VDR: variants seen among roughly 807,000 people sequenced by gnomAD.
The protein encoded by VDR is vitamin D3 receptor.
In VDR, 19 loss-of-function variants were observed where a neutral mutation model predicts 39.7. The ratio of observed to expected loss-of-function variants is 0.48; its 90% CI spans 0.33 to 0.70. The LOEUF is 0.70. Ranked by LOEUF, VDR falls within the 30% of genes least tolerant of loss-of-function variation. The pLI, the probability that VDR is intolerant of heterozygous loss-of-function variation, is 0.02. For synonymous variants in VDR, 242 were observed against 215.8 expected (o/e 1.12, Z -1.07); for missense variants, 442 against 570.5 (o/e 0.77, Z 2.29).
chr12:47,870,279 C>G (rs1179689782), intron 3 of VDR, among the ~76,000 whole-genome samples: 1 of 152,220 alleles, frequency 6.6e-6, no homozygotes, highest in Non-Finnish European at 1.5e-5. Flanking sequence ...CCAGACTGCC[C>G]AACCCTGGCT....
intron 3 of VDR, among the ~76,000 whole-genome samples, chr12:47,866,357 A>G (rs1945736711): frequency 6.6e-6 from 1 of 152,212 alleles, no homozygotes; most frequent in African/African-American, 2.4e-5. Flanking sequence ...GGCCTCCCAA[A>G]GTGCTGGGAT....
intron 7 of VDR, 67 bp downstream of exon 7, chr12:47,855,563 C>G: frequency 6.3e-7 from 1 of 1,585,366 alleles, no homozygotes; most frequent in Non-Finnish European, 8.7e-7. Context: ...TGAGTGATCT[C>G]CAACCCTTCT....
At chr12:47,895,238 TG>T (rs1324331584) in intron 1 of VDR, among the ~76,000 whole-genome samples, 1 of 152,256 alleles carries the variant, frequency 6.6e-6, no homozygotes, top group African/African-American at 2.4e-5. Context: ...GCATGGAGCA[TG>T]ATCCATTCAT....
chr12:47,866,371 A>C (rs1945736970), intron 3 of VDR, among the ~76,000 whole-genome samples: 1 of 152,254 alleles, frequency 6.6e-6, no homozygotes, highest in Non-Finnish European at 1.5e-5. Context: ...CTGGGATTAC[A>C]GGCGTAAGCC....
chr12:47,879,192 C>T (rs1347453528), intron 2 of VDR, 77 bp from the exon 3 acceptor site: 2 of 1,530,824 alleles, frequency 1.3e-6, no homozygotes, highest in Non-Finnish European at 1.8e-6. Flanking sequence ...GTGCCACCCA[C>T]CCCCAGCCTC....
At chr12:47,886,026 G>T (rs1484803576) in intron 1 of VDR, among the ~76,000 whole-genome samples, 1 of 152,190 alleles carries the variant, frequency 6.6e-6, no homozygotes, top group Non-Finnish European at 1.5e-5. Context: ...TCCTCTCTCT[G>T]CCAGGTTGGG....
chr12:47,863,409 G>A (rs927443013), intron 4 of VDR, among the ~76,000 whole-genome samples: 1 of 152,220 alleles, frequency 6.6e-6, no homozygotes, highest in Non-Finnish European at 1.5e-5. Context: ...AGTGCCTTAC[G>A]AACCACTGCA....
chr12:47,882,623 G>GGCCCC, intron 2 of VDR, 71 bp downstream of exon 2: 2 of 543,280 alleles, frequency 3.7e-6, no homozygotes, highest in Non-Finnish European at 6.5e-6. Flanking sequence ...ACCTTCTTAT[G>GGCCCC]CCCCTCCCCC....
chr12:47,869,077 C>G (rs1041173544), intron 3 of VDR, among the ~76,000 whole-genome samples: 1 of 152,250 alleles, frequency 6.6e-6, no homozygotes, highest in Non-Finnish European at 1.5e-5. Context: ...GGGCAGCCCC[C>G]CCAGCTGCAG....
intron 3 of VDR, among the ~76,000 whole-genome samples, chr12:47,868,923 C>T (rs1270054973): frequency 6.6e-6 from 1 of 152,166 alleles, no homozygotes; most frequent in Non-Finnish European, 1.5e-5. Flanking sequence ...CAGCCTAGCC[C>T]AGCCACCACC....
At chr12:47,871,292 C>CTCTT (rs60835997) in intron 3 of VDR, among the ~76,000 whole-genome samples, 10,312 of 79,538 alleles carry the variant, frequency 0.13, 1,010 homozygotes, top group African/African-American at 0.17. Context: ...CTTTCTCTTT[C>CTCTT]TCTTTCTTTC....
chr12:47,904,572 C>T (rs1565642732), intron 1 of VDR: 51 of 1,535,568 alleles, frequency 3.3e-5, no homozygotes, highest in Non-Finnish European at 4.0e-5. Context: ...ACCCTCCACT[C>T]CAGCAGTTCT....
chr12:47,869,535 C>CAAAA (rs33940574), intron 3 of VDR, among the ~76,000 whole-genome samples: 15 of 68,956 alleles, frequency 2.2e-4, no homozygotes, highest in Non-Finnish European at 3.5e-4. Flanking sequence ...GACTCCATCT[C>CAAAA]AAAAAAAAAA....
intron 1 of VDR, among the ~76,000 whole-genome samples, chr12:47,900,536 T>G (rs1035072622): frequency 1.3e-5 from 2 of 152,144 alleles, no homozygotes; most frequent in African/African-American, 4.8e-5. Context: ...ATTTCCTCAT[T>G]TGTAAAGGGA....
At chr12:47,881,104 G>GTGTA (rs1555155419) in intron 2 of VDR, among the ~76,000 whole-genome samples, 3 of 106,256 alleles carry the variant, frequency 2.8e-5, no homozygotes, top group African/African-American at 2.7e-5. Context: ...GTGTGTGTGT[G>GTGTA]TATATATATA....
At chr12:47,871,401 C>CTT in intron 3 of VDR, among the ~76,000 whole-genome samples, 2 of 62,098 alleles carry the variant, frequency 3.2e-5, no homozygotes, top group African/African-American at 8.5e-5. Context: ...TCCTCTCTTT[C>CTT]TCTCTTTCTA....
chr12:47,879,087 G>A lies in VDR; in HGVS notation c.27C>T (p.Ser9=), dbSNP rs1286104339. The A allele has an allele frequency of 6.2e-7, 1 of 1,614,088 alleles. No individual in the cohort carries two copies. The highest frequency in any genetic ancestry group is 8.5e-7 in the Non-Finnish European group (1 of 1,179,974). The stretch of plus-strand genomic sequence containing the variant: ...GGTCAAAGTCTCCAGGGTCAGGCAG[G>A]GAAGTGCTGGCCGCCATTGCCTCCA... MEAMAAST[S]LPDPGDFDRN... The change falls in exon 3 of 10, where the codon TCC becomes TCT. Residue 9 remains serine (S), a synonymous_variant. Coordinates refer to ENST00000549336, the MANE Select transcript of VDR (RefSeq NM_000376.3).
intron 1 of VDR, among the ~76,000 whole-genome samples, chr12:47,887,335 A>AAAAAAC (rs1555156378): frequency 1.6e-4 from 24 of 150,370 alleles, no homozygotes; most frequent in Admixed American, 8.6e-4. Context: ...AAAAAAAAAA[A>AAAAAAC]AAAAAACAAA....
At chr12:47,849,310 G>A (rs572469278) in intron 7 of VDR, among the ~76,000 whole-genome samples, 5 of 152,262 alleles carry the variant, frequency 3.3e-5, no homozygotes, top group South Asian at 2.1e-4. Context: ...AAATCACAAC[G>A]TGCTAGAGTT....
Sources: allele counts gnomAD v4.1 joint callset (sites outside exome capture counted in the v4.1 genomes callset), GRCh38; gene constraint gnomAD v4.1.1; transcripts MANE v1.5; gene names NCBI Gene and HGNC (gene_info 2026-07-23, HGNC 2026-07-21).